INSIG2: variants seen among roughly 807,000 people sequenced by gnomAD.
The protein encoded by INSIG2 is insulin-induced gene 2 protein.
Under a neutral mutation model 27.2 loss-of-function variants are expected in INSIG2, and 10 were observed. The ratio of observed to expected loss-of-function variants is 0.37; its 90% CI spans 0.23 to 0.62. INSIG2 has a LOEUF of 0.62. Ranked by LOEUF, INSIG2 falls within the 20% of genes least tolerant of loss-of-function variation. The probability of loss-of-function intolerance (pLI) is 0.65; values close to 1 mark genes in which losing one functional copy is unlikely to be tolerated. For synonymous variants in INSIG2, 97 were observed against 95.8 expected, an observed-to-expected ratio of 1.01 and a Z score of -0.07; for missense variants, 178 against 270.2, an observed-to-expected ratio of 0.66 and a Z score of 2.39.
At position 118,110,262 on chromosome 2, in the gene INSIG2, G is replaced by A. The variant is rs1678780780; in HGVS notation, c.*1940G>A. 1 of 152,192 alleles carries A rather than the reference G, an allele frequency of 6.6e-6. No individual in the cohort carries two copies. Among genetic ancestry groups the A allele is most frequent in the Non-Finnish European group, 1.5e-5 (1 of 68,034 alleles). 9.4% of individuals were successfully genotyped at this position (152,192 alleles called of 1,614,324 possible). ...ACTAATAGCCTACTCTTGATGGGAA[G>A]CCTTACCAATAAGAAACAGTTGATG... On this transcript the variant is annotated 3_prime_UTR_variant, in exon 6 of 6. Coordinates refer to ENST00000245787, the MANE Select transcript of INSIG2 (RefSeq NM_016133.4).
At chr2:118,099,331 G>A (rs902950683) in intron 2 of INSIG2, among the ~76,000 whole-genome samples, 3 of 152,230 alleles carry the variant, frequency 2.0e-5, no homozygotes, top group African/African-American at 2.4e-5. Context: ...CACCTTCTGT[G>A]TGTAGAAAGT....
At chr2:118,090,206 C>T (rs1002249669) in intron 1 of INSIG2, among the ~76,000 whole-genome samples, 16 of 152,220 alleles carry the variant, frequency 1.1e-4, no homozygotes, top group African/African-American at 3.1e-4. Context: ...TAGTAGCTTA[C>T]GTGACCTAAG....
chr2:118,093,663 T>TGAGGAGGAG (rs762434302), intron 1 of INSIG2, among the ~76,000 whole-genome samples: 23 of 24,310 alleles, frequency 9.5e-4, no homozygotes, highest in African/African-American at 3.3e-3. Context: ...ATGATGATGA[T>TGAGGAGGAG]GAGGAGGAGG....
chr2:118,096,235 C>T (rs1678400737), intron 1 of INSIG2, among the ~76,000 whole-genome samples, 184 bp from the exon 2 acceptor site: 1 of 152,044 alleles, frequency 6.6e-6, no homozygotes, highest in Non-Finnish European at 1.5e-5. Flanking sequence ...TTACGTCTTG[C>T]ATATAAAAAT....
intron 2 of INSIG2, chr2:118,102,794 G>A (rs1008229966): frequency 6.0e-6 from 1 of 165,456 alleles, no homozygotes; most frequent in African/African-American, 2.4e-5. Context: ...TTATGGTTTG[G>A]AGTTTAGAGA....
chr2:118,100,348 T>C (rs991730603), intron 2 of INSIG2, among the ~76,000 whole-genome samples: 1 of 151,272 alleles, frequency 6.6e-6, no homozygotes, highest in Non-Finnish European at 1.5e-5. Flanking sequence ...CACTTTGCAA[T>C]TGGAATCGTA....
chr2:118,107,282 A>G (rs1266236480), intron 5 of INSIG2, 93 bp downstream of exon 5: 4 of 782,946 alleles, frequency 5.1e-6, no homozygotes, highest in Non-Finnish European at 8.6e-6. Flanking sequence ...ATTTGTGAAG[A>G]CAACATTCTT....
At chr2:118,103,622 T>C (rs556294400) in intron 3 of INSIG2, among the ~76,000 whole-genome samples, 2 of 152,374 alleles carry the variant, frequency 1.3e-5, no homozygotes, top group South Asian at 4.1e-4. Context: ...AATCCAAAAA[T>C]GGAACAGGTA....
chr2:118,110,840 C>G lies in INSIG2; in HGVS notation c.*2518C>G, dbSNP rs1678794615. On this transcript the variant is annotated 3_prime_UTR_variant, in exon 6 of 6. Transcript: ENST00000245787. ...ACAATTCAAATTAGCCAGAGCCCTG[C>G]TAAAACTTTTAATGTAAAATTTATT... The G allele has an allele frequency of 6.6e-6, 1 of 152,136 alleles. No individual in the cohort carries two copies. Among genetic ancestry groups the G allele is most frequent in the Admixed American group, 6.5e-5 (1 of 15,268 alleles). The allele number at this position is 152,136 out of a possible 1,614,324, so 9.4% of individuals were successfully genotyped here.
chr2:118,090,728 G>T (rs548414842), intron 1 of INSIG2, among the ~76,000 whole-genome samples: 1 of 152,274 alleles, frequency 6.6e-6, no homozygotes, highest in East Asian at 1.9e-4. Flanking sequence ...TTTAAAAACG[G>T]TTTCTTGTGT....
chr2:118,101,081 G>GT (rs919465020), intron 2 of INSIG2, among the ~76,000 whole-genome samples: 19 of 151,642 alleles, frequency 1.3e-4, no homozygotes, highest in Admixed American at 3.3e-4. Flanking sequence ...AGTCTTTCTT[G>GT]TTTTTTTTAA....
At position 118,110,554 on chromosome 2, in the gene INSIG2, A is replaced by G. The variant is rs530516117; in HGVS notation, c.*2232A>G. On this transcript the variant is annotated 3_prime_UTR_variant, in exon 6 of 6. Coordinates refer to ENST00000245787, the MANE Select transcript of INSIG2 (RefSeq NM_016133.4). ...TGTTCAAGGGTCAACTGTGTGTGGTATCGGTGAGACTGAATGATTATCGTT... is the reference window on the plus strand; with the variant it reads ...TGTTCAAGGGTCAACTGTGTGTGGTGTCGGTGAGACTGAATGATTATCGTT... 1.3e-5 allele frequency: 2 copies of G among 152,180 alleles called. No homozygotes were observed. Among genetic ancestry groups the G allele is most frequent in the Non-Finnish European group, 2.9e-5 (2 of 68,032 alleles). 9.4% of individuals were successfully genotyped at this position (152,180 alleles called of 1,614,324 possible).
At chr2:118,090,085 T>C (rs1417003774) in intron 1 of INSIG2, among the ~76,000 whole-genome samples, 1 of 152,206 alleles carries the variant, frequency 6.6e-6, no homozygotes, top group Non-Finnish European at 1.5e-5. Flanking sequence ...GTTGCATTGA[T>C]TTAAGTCTGT....
In INSIG2 at chr2:118,103,203, T is replaced by C. The variant is rs1678591946; in HGVS notation, c.251T>C (p.Ile84Thr). Residue 84 changes from isoleucine (I) to threonine (T), a missense_variant, in exon 3 of 6, where the codon ATT becomes ACT. Ile to Thr is a moderately conservative substitution (Grantham distance 89). Transcript: ENST00000245787. ...PPCCGTASAV[I>T]GLLYPCIDRH... The stretch of plus-strand genomic sequence containing the variant: ...TTTTCTTTTTTCCCTACAGCTGTGA[T>C]TGGGTTATTATACCCCTGCATTGAC... 3.1e-6 allele frequency: 5 copies of C among 1,613,456 alleles called. No individual in the cohort carries two copies. The highest frequency in any genetic ancestry group is 3.4e-6 in the Non-Finnish European group (4 of 1,179,724).
chr2:118,106,884 G>C lies in INSIG2; in HGVS notation c.517G>C (p.Val173Leu). The C allele has an allele frequency of 6.2e-7, 1 of 1,614,040 alleles. No individual in the cohort carries two copies. The highest frequency in any genetic ancestry group is 8.5e-7 in the Non-Finnish European group (1 of 1,179,942). The change falls in exon 4 of 6, where the codon GTA becomes CTA. Residue 173 changes from valine to leucine, a missense_variant. Coordinates refer to ENST00000245787, the MANE Select transcript of INSIG2 (RefSeq NM_016133.4). Reference protein sequence around the residue: ...FLATVVTQLLVYNGVYQYTSP... With the variant: ...FLATVVTQLLLYNGVYQYTSP... ...GGCAACTGTGGTCACTCAACTGCTA[G>C]TATATAATGGTGTTTACCAGTAAGT...
At chr2:118,103,345 T>A (rs1385359137) in intron 3 of INSIG2, 24 bp downstream of exon 3, 1 of 1,588,076 alleles carries the variant, frequency 6.3e-7, no homozygotes, top group East Asian at 2.2e-5. Context: ...TGTAATGAAA[T>A]GCATAATAAC....
At chr2:118,105,820 C>T (rs1285980267) in intron 3 of INSIG2, among the ~76,000 whole-genome samples, 1 of 152,116 alleles carries the variant, frequency 6.6e-6, no homozygotes, top group African/African-American at 2.4e-5. Context: ...CCAAACCTCC[C>T]CCGCCTTCCC....
chr2:118,089,579 A>G (rs1165790103), intron 1 of INSIG2, among the ~76,000 whole-genome samples: 1 of 151,536 alleles, frequency 6.6e-6, no homozygotes, highest in Non-Finnish European at 1.5e-5. Flanking sequence ...GCCCCAAAGA[A>G]AACAAAAATC....
At chr2:118,095,313 A>G (rs369745961) in intron 1 of INSIG2, among the ~76,000 whole-genome samples, 4 of 152,346 alleles carry the variant, frequency 2.6e-5, no homozygotes, top group African/African-American at 9.6e-5. Context: ...CAAATATGTG[A>G]CAGTTTGGGA....
Sources: gnomAD v4.1 joint callset for allele counts (sites outside exome capture counted in the v4.1 genomes callset) on GRCh38, gnomAD v4.1.1 for gene constraint, MANE v1.5 for transcripts, NCBI Gene and HGNC (gene_info 2026-07-23, HGNC 2026-07-21) for gene names.